Variants in VPS13A observed in about 807,000 individuals in gnomAD.
VPS13A encodes vacuolar protein sorting 13 homolog A, also known as intermembrane lipid transfer protein VPS13A.
In VPS13A, 264 loss-of-function variants were observed where a neutral mutation model predicts 390.9. That is an observed-to-expected ratio of 0.68 (90% CI 0.61 to 0.75). VPS13A has a LOEUF of 0.75. Ranked by LOEUF, VPS13A falls within the 30% of genes least tolerant of loss-of-function variation. The pLI, the probability that VPS13A is intolerant of heterozygous loss-of-function variation, is 0.00. For synonymous variants in VPS13A, 1,231 were observed against 1,227.1 expected (o/e 1.00, Z -0.07); for missense variants, 3,409 against 3,733.9 (o/e 0.91, Z 2.27).
rs1383158659 is a variant in VPS13A at position 77,226,453 on chromosome 9, T to G, written c.1225-13T>G. The stretch of plus-strand genomic sequence containing the variant: ...GATAATGTGTCATTTATTTGAAAAT[T>G]TATTCATTTTAGGTAAAGAAAGCTG... On this transcript the variant is annotated splice_polypyrimidine_tract_variant and intron_variant, in intron 14 of 71. Coordinates refer to ENST00000360280, the MANE Select transcript of VPS13A (RefSeq NM_033305.3). 2 of 1,595,848 alleles carry G rather than the reference T, an allele frequency of 1.3e-6. No individual in the cohort carries two copies. Among genetic ancestry groups the G allele is most frequent in the Admixed American group, 1.7e-5 (1 of 59,890 alleles).
In VPS13A at chr9:77,209,554, A is replaced by G; in HGVS notation, c.495+22A>G. ...TGATGTAAGTATTTTAATATGTGAT[A>G]TTTGTTTTTATATTTATATGTAAGT... is the stretch of plus-strand genomic sequence containing the variant. On this transcript the variant is annotated intron_variant, in intron 6 of 71. Coordinates refer to ENST00000360280, the MANE Select transcript of VPS13A (RefSeq NM_033305.3). 2.1e-6 allele frequency: 3 copies of G among 1,402,262 alleles called. No individual in the cohort carries two copies. The South Asian group carries it at 3.7e-5, about 17-fold the overall frequency. 86.9% of individuals were successfully genotyped at this position (1,402,262 alleles called of 1,614,324 possible). A position where few individuals can be genotyped will look rare whatever the true frequency, so the allele number is the denominator to read the frequency against.
At position 77,321,627 on chromosome 9, in the gene VPS13A, C is replaced by CA; in HGVS notation, c.5715dup (p.Ser1906IlefsTer21). 1 of 1,613,292 alleles carries CA rather than the reference C, an allele frequency of 6.2e-7. No individual in the cohort carries two copies. Among genetic ancestry groups the CA allele is most frequent in the South Asian group, 1.1e-5 (1 of 91,044 alleles). On this transcript the variant is annotated frameshift_variant, in exon 44 of 72. Transcript: ENST00000360280. LOFTEE classifies it high-confidence loss of function. ...TTTAGTGTACTCAACATTCCTATGGCAAAATCATATGTATTGAAAAATGGA... is the reference window on the plus strand; with the variant it reads ...TTTAGTGTACTCAACATTCCTATGGCAAAAATCATATGTATTGAAAAATGGA...
chr9:77,184,944 A>G (rs768457216), intron 1 of VPS13A, among the ~76,000 whole-genome samples: 5 of 152,108 alleles, frequency 3.3e-5, no homozygotes, highest in African/African-American at 4.8e-5. Flanking sequence ...ATCCTTTATG[A>G]TAAACTGTTA....
chr9:77,415,477 T>G (rs1587742937), intron 71 of VPS13A, among the ~76,000 whole-genome samples: 1 of 152,208 alleles, frequency 6.6e-6, no homozygotes, highest in Non-Finnish European at 1.5e-5. Context: ...AGGTTGTGTA[T>G]TACATTTACA....
chr9:77,266,796 A>T (rs1214783534), intron 23 of VPS13A, among the ~76,000 whole-genome samples: 4 of 152,008 alleles, frequency 2.6e-5, no homozygotes, highest in African/African-American at 9.7e-5. Context: ...TTTCAGGTAC[A>T]CCAGTCAAAT....
At chr9:77,184,907 C>T (rs547827813) in intron 1 of VPS13A, among the ~76,000 whole-genome samples, 5 of 152,210 alleles carry the variant, frequency 3.3e-5, no homozygotes, top group African/African-American at 1.2e-4. Flanking sequence ...TTGCTCTGTC[C>T]ATCTCTTTAT....
At chr9:77,193,086 A>G (rs1055878407) in intron 1 of VPS13A, among the ~76,000 whole-genome samples, 8 of 152,216 alleles carry the variant, frequency 5.3e-5, no homozygotes, top group Admixed American at 1.3e-4. Context: ...CTGAAGAACC[A>G]GTCTTCAAGT....
intron 35 of VPS13A, among the ~76,000 whole-genome samples, chr9:77,310,756 A>G (rs918686895): frequency 6.6e-6 from 1 of 152,204 alleles, no homozygotes; most frequent in African/African-American, 2.4e-5. Context: ...GGATCAGGGG[A>G]AACAAATAGT....
At chr9:77,194,009 G>A (rs1824840131) in intron 1 of VPS13A, among the ~76,000 whole-genome samples, 1 of 152,144 alleles carries the variant, frequency 6.6e-6, no homozygotes, top group Non-Finnish European at 1.5e-5. Context: ...CATTGCACTG[G>A]TGGGGCCAAG....
intron 63 of VPS13A, 48 bp from the exon 64 acceptor site, chr9:77,370,209 A>T (rs1203980220): frequency 1.3e-6 from 2 of 1,587,502 alleles, no homozygotes; most frequent in Admixed American, 3.3e-5. Flanking sequence ...TCATCTTTAA[A>T]AGTGAATATA....
At position 77,377,202 on chromosome 9, in the gene VPS13A, T is replaced by TG. The variant is rs1187495380; in HGVS notation, c.9078-4773dup. Among the ~76,000 whole-genome samples the TG allele has an allele frequency of 2.1e-3, 280 of 130,968 alleles. 1 individual carries two copies. Among genetic ancestry groups the TG allele is most frequent in the Admixed American group, 4.9e-3 (58 of 11,918 alleles). The allele number at this position is 130,968 out of a possible 152,430, so 85.9% of individuals were successfully genotyped here. ...ACTTATTCCTAAGTATTTTTGATGC[T>TG]GTTTTTTTTTTTTTTTTTTTTTTTT... On this transcript the variant is annotated intron_variant, in intron 67 of 71. Transcript: ENST00000360280.
chr9:77,265,333 C>G (rs977390789), intron 23 of VPS13A, among the ~76,000 whole-genome samples: 2 of 152,140 alleles, frequency 1.3e-5, no homozygotes, highest in Admixed American at 6.6e-5. Flanking sequence ...GGAGAAGTCC[C>G]TCTTTTTCTA....
intron 68 of VPS13A, among the ~76,000 whole-genome samples, chr9:77,396,539 A>C (rs1024821498): frequency 3.9e-5 from 6 of 152,216 alleles, no homozygotes; most frequent in African/African-American, 1.4e-4. Context: ...CTCATTCAAG[A>C]ATATGAAATC....
intron 22 of VPS13A, among the ~76,000 whole-genome samples, chr9:77,256,656 A>G (rs1274982878): frequency 6.6e-6 from 1 of 151,676 alleles, no homozygotes; most frequent in Admixed American, 6.6e-5. Flanking sequence ...TGCTTTATAT[A>G]TTTTTGAACT....
intron 1 of VPS13A, among the ~76,000 whole-genome samples, chr9:77,195,971 T>C (rs140879907): frequency 3.2e-3 from 487 of 152,250 alleles, no homozygotes; most frequent in African/African-American, 0.011. Flanking sequence ...CTGCTTTTGC[T>C]GTATCATACT....
At chr9:77,308,653 T>C (rs1451047190) in intron 35 of VPS13A, among the ~76,000 whole-genome samples, 4 of 152,184 alleles carry the variant, frequency 2.6e-5, no homozygotes, top group Non-Finnish European at 2.9e-5. Flanking sequence ...GGATCCAGTG[T>C]GCTCTGTGGA....
chr9:77,355,330 C>G (rs1831715104), intron 54 of VPS13A, among the ~76,000 whole-genome samples: 1 of 152,188 alleles, frequency 6.6e-6, no homozygotes, highest in Non-Finnish European at 1.5e-5. Flanking sequence ...ACAGATCCCT[C>G]CTTGATGTAG....
intron 17 of VPS13A, among the ~76,000 whole-genome samples, chr9:77,236,646 T>A (rs1253288216): frequency 6.6e-6 from 1 of 152,216 alleles, no homozygotes; most frequent in Non-Finnish European, 1.5e-5. Context: ...CATGCTGTAT[T>A]AGTGTTTGCT....
chr9:77,207,243 A>ATT, intron 5 of VPS13A, among the ~76,000 whole-genome samples: 1 of 103,220 alleles, frequency 9.7e-6, no homozygotes, highest in South Asian at 3.2e-4. Context: ...ATATATATAT[A>ATT]TATATATATA....
Sources: gnomAD v4.1 joint callset for allele counts (sites outside exome capture counted in the v4.1 genomes callset) on GRCh38, gnomAD v4.1.1 for gene constraint, MANE v1.5 for transcripts, NCBI Gene and HGNC (gene_info 2026-07-23, HGNC 2026-07-21) for gene names.